The following RIMS2 variants were observed in gnomAD, a reference collection of about 807,000 sequenced individuals.
RIMS2 encodes regulating synaptic membrane exocytosis 2, also known as regulating synaptic membrane exocytosis protein 2.
RIMS2 carries 59 observed loss-of-function variants against 174.4 expected under a neutral mutation model. The observed-to-expected ratio is 0.34, with a 90% CI of 0.27 to 0.42. The LOEUF (loss-of-function observed/expected upper bound fraction) is 0.42. Among genes scored for constraint, RIMS2 ranks in the 10% least tolerant of loss-of-function variants. The probability of loss-of-function intolerance (pLI) is 1.00; values close to 1 mark genes in which losing one functional copy is unlikely to be tolerated. For synonymous variants in RIMS2, 606 were observed against 572.5 expected, an observed-to-expected ratio of 1.06 and a Z score of -0.84; for missense variants, 1,620 against 1,666.3, an observed-to-expected ratio of 0.97 and a Z score of 0.48.
rs142714435 is a variant in RIMS2 at position 104,036,133 on chromosome 8, T to TTTTATTTA, written c.3334+21546_3334+21553dup. Among the ~76,000 whole-genome samples, 101 of 146,908 alleles carry TTTTATTTA rather than the reference T, an allele frequency of 6.9e-4. No homozygotes were observed. In the East Asian group the frequency reaches 0.011, roughly 16 times the overall value. On this transcript the variant is annotated intron_variant, in intron 19 of 23. Transcript: ENST00000504942. ...TAGTTTCAAAATAAAATTTATTTTA[T>TTTTATTTA]TTTATTTATTTATTTATTTATTTAT...
At chr8:104,213,297 C>A (rs1317991159) in intron 19 of RIMS2, among the ~76,000 whole-genome samples, 1 of 152,108 alleles carries the variant, frequency 6.6e-6, no homozygotes, top group Non-Finnish European at 1.5e-5. Flanking sequence ...TGCAACAGAG[C>A]AAGATCCCGT....
At chr8:103,862,762 C>G (rs957646744) in intron 3 of RIMS2, among the ~76,000 whole-genome samples, 1 of 151,858 alleles carries the variant, frequency 6.6e-6, no homozygotes, top group African/African-American at 2.4e-5. Context: ...TTATTTGGGT[C>G]TCAGCTTGAG....
intron 1 of RIMS2, among the ~76,000 whole-genome samples, chr8:103,563,061 A>C (rs2091846425): frequency 6.6e-6 from 1 of 151,944 alleles, no homozygotes; most frequent in Admixed American, 6.6e-5. Flanking sequence ...TTTCCTCCTA[A>C]ATCTCCAGGC....
intron 19 of RIMS2, among the ~76,000 whole-genome samples, chr8:104,015,002 G>C (rs2095862385): frequency 6.6e-6 from 1 of 152,138 alleles, no homozygotes; most frequent in African/African-American, 2.4e-5. Flanking sequence ...GTTAGCTGAT[G>C]CACAATGGTG....
intron 2 of RIMS2, among the ~76,000 whole-genome samples, chr8:103,737,554 A>G (rs941877620): frequency 2.0e-5 from 3 of 151,866 alleles, no homozygotes; most frequent in African/African-American, 7.3e-5. Flanking sequence ...CTAGGATGGT[A>G]TTTTTCAAAA....
chr8:103,931,472 T>C, intron 12 of RIMS2, 79 bp downstream of exon 14: 7 of 992,936 alleles, frequency 7.0e-6, no homozygotes, highest in Non-Finnish European at 1.0e-5. Context: ...CAATTCTGTA[T>C]CATTTATTGG....
chr8:103,819,192 G>A (rs2098735910), intron 3 of RIMS2: 4 of 1,156,922 alleles, frequency 3.5e-6, no homozygotes, highest in Non-Finnish European at 4.3e-6. Flanking sequence ...AGAAATATGA[G>A]TAGAGTACAT....
At chr8:103,801,288 G>A (rs1260050638) in intron 3 of RIMS2, among the ~76,000 whole-genome samples, 4 of 152,124 alleles carry the variant, frequency 2.6e-5, no homozygotes, top group Non-Finnish European at 5.9e-5. Flanking sequence ...CACCCAGCCA[G>A]CAATGTCTTT....
chr8:103,655,319 A>G (rs1206769487), intron 1 of RIMS2, among the ~76,000 whole-genome samples: 1 of 152,058 alleles, frequency 6.6e-6, no homozygotes, highest in Non-Finnish European at 1.5e-5. Context: ...CAAAGAGAAT[A>G]TCACATAACA....
chr8:103,664,468 G>A (rs975274105), intron 1 of RIMS2, among the ~76,000 whole-genome samples: 1 of 152,078 alleles, frequency 6.6e-6, no homozygotes, highest in Non-Finnish European at 1.5e-5. Context: ...GTGGATGAAG[G>A]ATATGAACAG....
chr8:103,749,416 T>C (rs952575404), intron 2 of RIMS2, among the ~76,000 whole-genome samples: 1 of 152,180 alleles, frequency 6.6e-6, no homozygotes, highest in Non-Finnish European at 1.5e-5. Flanking sequence ...CTGGCCACTT[T>C]CTATTTTAAG....
intron 3 of RIMS2, among the ~76,000 whole-genome samples, chr8:103,773,457 C>T (rs1437667173): frequency 2.6e-5 from 4 of 152,300 alleles, no homozygotes; most frequent in South Asian, 2.1e-4. Context: ...GTGCCGGGCA[C>T]GGTGGCTCAC....
intron 2 of RIMS2, among the ~76,000 whole-genome samples, chr8:103,697,559 A>AT (rs2097120715): frequency 6.7e-6 from 1 of 150,296 alleles, no homozygotes; most frequent in Non-Finnish European, 1.5e-5. Context: ...AAAAAAAAAA[A>AT]CAAAAAAAAC....
At chr8:103,945,333 C>T (rs1389260331) in intron 14 of RIMS2, among the ~76,000 whole-genome samples, 1 of 151,968 alleles carries the variant, frequency 6.6e-6, no homozygotes, top group Non-Finnish European at 1.5e-5. Flanking sequence ...CAAAGAAAAA[C>T]CTAGGCTTCA....
chr8:103,635,531 C>G (rs1001158116), intron 1 of RIMS2, among the ~76,000 whole-genome samples: 3 of 152,254 alleles, frequency 2.0e-5, no homozygotes, highest in African/African-American at 4.8e-5. Flanking sequence ...CTTCCAGAAC[C>G]TGGAGGTGTC....
In RIMS2 at chr8:103,596,616, C is replaced by T. The variant is rs555517576; in HGVS notation, c.176+95554C>T. 5.3e-5 allele frequency among the ~76,000 whole-genome samples: 8 copies of T among 151,996 alleles called. 2 individuals carry two copies. The highest frequency in any genetic ancestry group is 2.6e-4 in the Admixed American group (4 of 15,212). On this transcript the variant is annotated intron_variant, in intron 1 of 23. Transcript: ENST00000504942. ...GATATGCTAATTACTTTTATCTGATCGTCATACATTATATGTATTGAAACA... is the reference window on the plus strand; with the variant it reads ...GATATGCTAATTACTTTTATCTGATTGTCATACATTATATGTATTGAAACA...
chr8:104,154,116 A>G (rs2134230204), intron 19 of RIMS2, among the ~76,000 whole-genome samples: 1 of 152,336 alleles, frequency 6.6e-6, no homozygotes, highest in South Asian at 2.1e-4. Context: ...TTTAAACCTC[A>G]CAACAAAGTT....
chr8:103,708,459 C>G (rs1047639016), intron 2 of RIMS2, among the ~76,000 whole-genome samples: 1 of 152,112 alleles, frequency 6.6e-6, no homozygotes, highest in African/African-American at 2.4e-5. Flanking sequence ...CTTGTTATTA[C>G]GCTAAAACTA....
intron 2 of RIMS2, among the ~76,000 whole-genome samples, chr8:103,752,118 G>A (rs183874142): frequency 0.017 from 2,618 of 152,202 alleles, 68 homozygotes; most frequent in African/African-American, 0.058. Flanking sequence ...ATCTTGAATT[G>A]ATTTTTGTAT....
Sources: allele counts gnomAD v4.1 joint callset (sites outside exome capture counted in the v4.1 genomes callset), GRCh38; gene constraint gnomAD v4.1.1; transcripts MANE v1.5; gene names NCBI Gene and HGNC (gene_info 2026-07-23, HGNC 2026-07-21).